The following EDARADD variants were observed in gnomAD, a reference collection of about 807,000 sequenced individuals.
EDARADD encodes the protein EDAR associated via death domain.
In EDARADD, 20 loss-of-function variants were observed where a neutral mutation model predicts 25.6. That is an observed-to-expected ratio of 0.78 (90% CI 0.55 to 1.14). The LOEUF is 1.14. EDARADD is among the 50% of genes most tolerant of loss of function. EDARADD has a pLI of 0.00. For synonymous variants in EDARADD, 86 were observed against 94.4 expected, an observed-to-expected ratio of 0.91 and a Z score of 0.52; for missense variants, 225 against 270.1, an observed-to-expected ratio of 0.83 and a Z score of 1.17.
intron 3 of EDARADD, among the ~76,000 whole-genome samples, chr1:236,366,741 C>CTCTTTTTTTTTTT (rs146073425): frequency 4.6e-4 from 66 of 144,266 alleles, no homozygotes; most frequent in African/African-American, 1.3e-3. Flanking sequence ...TCATCTCTCT[C>CTCTTTTTTTTTTT]TTTTTTTTGT....
intron 3 of EDARADD, among the ~76,000 whole-genome samples, chr1:236,417,551 C>T (rs1023388067): frequency 2.0e-5 from 3 of 152,162 alleles, no homozygotes; most frequent in African/African-American, 7.2e-5. Flanking sequence ...CCACCTCAAG[C>T]AGCCACCCCC....
chr1:236,463,132 T>G (rs1315689929), intron 4 of EDARADD, among the ~76,000 whole-genome samples: 2 of 152,226 alleles, frequency 1.3e-5, no homozygotes, highest in African/African-American at 2.4e-5. Context: ...TTCATAAATG[T>G]TATTCACACG....
intron 5 of EDARADD, among the ~76,000 whole-genome samples, chr1:236,470,292 AT>A: frequency 6.6e-6 from 1 of 152,326 alleles, no homozygotes; most frequent in East Asian, 1.9e-4. Context: ...GGCCTGGGTA[AT>A]GGGAGCATTA....
At chr1:236,424,455 A>T (rs1047355440) in intron 3 of EDARADD, among the ~76,000 whole-genome samples, 3 of 151,650 alleles carry the variant, frequency 2.0e-5, no homozygotes, top group African/African-American at 7.3e-5. Context: ...GAGCCACCAC[A>T]CCCAACCTGT....
intron 3 of EDARADD, among the ~76,000 whole-genome samples, chr1:236,416,128 T>A (rs527387013): frequency 5.3e-4 from 81 of 152,252 alleles, no homozygotes; most frequent in African/African-American, 1.9e-3. Context: ...AGGCTGTGAG[T>A]GGCCTCAGCA....
At chr1:236,380,069 T>A (rs764281553) in intron 3 of EDARADD, among the ~76,000 whole-genome samples, 3 of 152,236 alleles carry the variant, frequency 2.0e-5, no homozygotes, top group African/African-American at 4.8e-5. Flanking sequence ...TGCCCGTACC[T>A]GCCTCTCAGT....
chr1:236,390,947 A>ATTATTATTATTG (rs1667414938), upstream of EDARADD, among the ~76,000 whole-genome samples: 1 of 149,926 alleles, frequency 6.7e-6, no homozygotes, highest in Non-Finnish European at 1.5e-5. Context: ...GTTAGTTGTT[A>ATTATTATTATTG]TTATTATTAT....
intron 1 of EDARADD, among the ~76,000 whole-genome samples, chr1:236,404,431 G>C (rs907336817): frequency 1.3e-5 from 2 of 152,190 alleles, no homozygotes; most frequent in Non-Finnish European, 2.9e-5. Flanking sequence ...AGGCCAGGGA[G>C]AAGGTGCAGT....
At chr1:236,467,426 G>GCACACACA (rs376781528) in intron 4 of EDARADD, among the ~76,000 whole-genome samples, 99 of 139,020 alleles carry the variant, frequency 7.1e-4, no homozygotes, top group Admixed American at 3.1e-3. Flanking sequence ...ACACACACGC[G>GCACACACA]CACACACACA....
intron 4 of EDARADD, among the ~76,000 whole-genome samples, chr1:236,461,074 A>C (rs1659026559): frequency 6.6e-6 from 1 of 152,074 alleles, no homozygotes; most frequent in African/African-American, 2.4e-5. Context: ...TGCCCACCTC[A>C]GCCTCCCAAA....
chr1:236,462,787 T>A (rs575438370), intron 4 of EDARADD, among the ~76,000 whole-genome samples: 3 of 152,342 alleles, frequency 2.0e-5, no homozygotes, highest in Non-Finnish European at 4.4e-5. Context: ...TATAAGATAA[T>A]TCCCTTGTAC....
chr1:236,405,103 T>G (rs914686296), intron 1 of EDARADD, among the ~76,000 whole-genome samples: 1 of 151,780 alleles, frequency 6.6e-6, no homozygotes, highest in African/African-American at 2.4e-5. Context: ...CAAAAAAAAA[T>G]TAAGTAATTA....
chr1:236,382,042 T>C (rs1414138671), intron 3 of EDARADD, among the ~76,000 whole-genome samples: 1 of 152,028 alleles, frequency 6.6e-6, no homozygotes, highest in African/African-American at 2.4e-5. Flanking sequence ...TTGGTGTTCA[T>C]TGAGCTTCTG....
chr1:236,355,889 G>C (rs1022071285), intron 3 of EDARADD, among the ~76,000 whole-genome samples: 2 of 152,046 alleles, frequency 1.3e-5, no homozygotes, highest in Non-Finnish European at 2.9e-5. Flanking sequence ...TAAGGCTCCT[G>C]TCAGTGGATA....
intron 4 of EDARADD, among the ~76,000 whole-genome samples, chr1:236,465,783 A>G (rs1370842013): frequency 6.6e-6 from 1 of 152,240 alleles, no homozygotes; most frequent in Non-Finnish European, 1.5e-5. Context: ...CATTAAGACT[A>G]TGAAACCCAC....
At chr1:236,461,207 G>T (rs1006834493) in intron 4 of EDARADD, among the ~76,000 whole-genome samples, 5 of 152,132 alleles carry the variant, frequency 3.3e-5, no homozygotes, top group Non-Finnish European at 7.3e-5. Context: ...TATTTTCAAG[G>T]CCAGGTACTG....
At chr1:236,422,153 T>C (rs543876455) in intron 3 of EDARADD, among the ~76,000 whole-genome samples, 14 of 152,292 alleles carry the variant, frequency 9.2e-5, no homozygotes, top group African/African-American at 3.1e-4. Flanking sequence ...TAGGAGTTTC[T>C]TGAAGATTTC....
chr1:236,436,623 T>TAAA (rs1216986191), intron 4 of EDARADD, among the ~76,000 whole-genome samples: 1 of 12,350 alleles, frequency 8.1e-5, no homozygotes, highest in Admixed American at 9.7e-4. Flanking sequence ...CAAGATCTTG[T>TAAA]CAAAAAAAAA....
chr1:236,368,445 T>C (rs954913420), intron 3 of EDARADD, among the ~76,000 whole-genome samples: 90 of 145,528 alleles, frequency 6.2e-4, no homozygotes, highest in Non-Finnish European at 1.2e-3. Context: ...CTTTTCTTTT[T>C]TTTTTTTTTT....
Sources: allele counts gnomAD v4.1 joint callset (sites outside exome capture counted in the v4.1 genomes callset), GRCh38; gene constraint gnomAD v4.1.1; transcripts MANE v1.5; gene names NCBI Gene and HGNC (gene_info 2026-07-23, HGNC 2026-07-21).